SCAI: variants seen among roughly 807,000 people sequenced by gnomAD.
SCAI encodes the protein suppressor of cancer cell invasion, also known as protein SCAI.
A neutral mutation model predicts 92.2 loss-of-function variants in SCAI; 24 were observed. The observed-to-expected ratio is 0.26, with a 90% CI of 0.19 to 0.37. The LOEUF (loss-of-function observed/expected upper bound fraction) is 0.37. Ranked by LOEUF, SCAI falls within the 10% of genes least tolerant of loss-of-function variation. The pLI is 1.00. For missense variants in SCAI, 450 were observed against 736.2 expected (o/e 0.61, Z 4.50); for synonymous variants, 261 against 258.6 (o/e 1.01, Z -0.09).
At chr9:125,059,558 C>T (rs568592293) in intron 2 of SCAI, among the ~76,000 whole-genome samples, 1 of 152,274 alleles carries the variant, frequency 6.6e-6, no homozygotes, top group East Asian at 1.9e-4. Flanking sequence ...ATTAAAACTA[C>T]ACTAATTATA....
intron 2 of SCAI, among the ~76,000 whole-genome samples, chr9:125,128,326 T>A (rs565283684): frequency 6.6e-6 from 1 of 150,916 alleles, no homozygotes; most frequent in Non-Finnish European, 1.5e-5. Context: ...CTAAAATGTA[T>A]ACGGGTAATT....
At chr9:125,031,025 G>C (rs186589177) in intron 3 of SCAI, among the ~76,000 whole-genome samples, 197 of 151,966 alleles carry the variant, frequency 1.3e-3, no homozygotes, top group Admixed American at 4.2e-3. Flanking sequence ...ATTAAAGTCT[G>C]TGAATAGATG....
chr9:124,982,283 A>G (rs1006628082), intron 14 of SCAI, among the ~76,000 whole-genome samples: 40 of 152,236 alleles, frequency 2.6e-4, no homozygotes, highest in African/African-American at 9.4e-4. Flanking sequence ...GATCAAAGCC[A>G]TACAAGTATT....
chr9:125,029,821 CA>C, intron 3 of SCAI, 82 bp from the exon 4 acceptor site: 1 of 766,960 alleles, frequency 1.3e-6, no homozygotes, highest in Non-Finnish European at 2.0e-6. Context: ...ACAAACCAGA[CA>C]GATGAAAAAT....
At chr9:125,107,770 A>C (rs1016594393) in intron 2 of SCAI, among the ~76,000 whole-genome samples, 2 of 152,146 alleles carry the variant, frequency 1.3e-5, no homozygotes, top group Non-Finnish European at 2.9e-5. Context: ...CCCATCTCTA[A>C]AAATAAATTT....
chr9:125,029,845 G>A, intron 3 of SCAI, 106 bp from the exon 4 acceptor site: 2 of 582,612 alleles, frequency 3.4e-6, no homozygotes, highest in Non-Finnish European at 5.6e-6. Flanking sequence ...TTGCATTCAG[G>A]CTTTCTTTTT....
intron 2 of SCAI, among the ~76,000 whole-genome samples, chr9:125,115,264 C>T (rs1835016482): frequency 2.1e-5 from 3 of 145,580 alleles, no homozygotes. Context: ...CCCAGCTACT[C>T]GGGAGGCTGA....
chr9:124,975,854 A>T (rs1831743875), intron 15 of SCAI, among the ~76,000 whole-genome samples: 1 of 152,186 alleles, frequency 6.6e-6, no homozygotes, highest in Admixed American at 6.5e-5. Flanking sequence ...AAATTTACAA[A>T]TCATGAGTTC....
At chr9:125,016,385 C>G (rs369406138) in intron 9 of SCAI, among the ~76,000 whole-genome samples, 9 of 46,702 alleles carry the variant, frequency 1.9e-4, no homozygotes, top group Non-Finnish European at 4.3e-5. Context: ...AAGACTCTGT[C>G]TCAATAAATA....
chr9:125,008,465 T>A (rs1052489783), intron 9 of SCAI, among the ~76,000 whole-genome samples: 2 of 152,130 alleles, frequency 1.3e-5, no homozygotes, highest in Non-Finnish European at 1.5e-5. Flanking sequence ...GAAATGGGGT[T>A]TCATCATGCT....
chr9:125,054,805 C>T (rs1477989621), intron 3 of SCAI, among the ~76,000 whole-genome samples: 1 of 152,128 alleles, frequency 6.6e-6, no homozygotes, highest in Non-Finnish European at 1.5e-5. Flanking sequence ...AACAAATATT[C>T]ACAAAGCCTT....
intron 7 of SCAI, 21 bp downstream of exon 7, chr9:125,020,652 A>C: frequency 9.6e-7 from 1 of 1,047,018 alleles, no homozygotes; most frequent in Non-Finnish European, 1.4e-6. Context: ...TTAGAATTTG[A>C]ACTATTTAAA....
chr9:125,093,245 C>T (rs535369613), intron 2 of SCAI, among the ~76,000 whole-genome samples: 38 of 152,056 alleles, frequency 2.5e-4, no homozygotes, highest in Non-Finnish European at 4.0e-4. Context: ...CCTGTAATCC[C>T]AGCTACTCGG....
chr9:125,015,217 A>C (rs1298814201), intron 9 of SCAI, among the ~76,000 whole-genome samples: 1 of 152,214 alleles, frequency 6.6e-6, no homozygotes, highest in African/African-American at 2.4e-5. Context: ...CTGCACAGCA[A>C]AAGAAACTAC....
Position 125,003,207 on chromosome 9 carries a change from A to G in SCAI, c.972T>C (p.Ala324=). ...QMNKPGMQES[A]DKPTRRENPH... ...GGTTTTCTCGTCTAGTAGGCTTGTC[A>G]GCTGATTCCTATATTTACACACAGA... Residue 324 remains alanine (A), a synonymous_variant, in exon 11 of 18, where the codon GCT becomes GCC. Coordinates refer to ENST00000336505, the MANE Select transcript of SCAI (RefSeq NM_001144877.3). The G allele has an allele frequency of 6.2e-7, 1 of 1,611,720 alleles. No individual in the cohort carries two copies. Among genetic ancestry groups the G allele is most frequent in the Non-Finnish European group, 8.5e-7 (1 of 1,177,858 alleles).
intron 3 of SCAI, among the ~76,000 whole-genome samples, chr9:125,049,273 G>A (rs1307785494): frequency 6.6e-6 from 1 of 152,068 alleles, no homozygotes; most frequent in Non-Finnish European, 1.5e-5. Context: ...GTGACTTGGA[G>A]GCCTCTGCTT....
chr9:125,064,396 C>T (rs572786794), intron 2 of SCAI, among the ~76,000 whole-genome samples: 11 of 152,194 alleles, frequency 7.2e-5, no homozygotes, highest in Non-Finnish European at 1.3e-4. Flanking sequence ...TTAATTAATA[C>T]TAATTCTCAT....
intron 9 of SCAI, among the ~76,000 whole-genome samples, chr9:125,008,406 G>A (rs1397498853): frequency 3.9e-5 from 6 of 152,084 alleles, no homozygotes; most frequent in Non-Finnish European, 2.9e-5. Context: ...CAAAGTAATG[G>A]GATTACAGGC....
At position 125,004,793 on chromosome 9, in the gene SCAI, T is replaced by G. The variant is rs1290585464; in HGVS notation, c.862-1223A>C. Among the ~76,000 whole-genome samples, 90 of 85,714 alleles carry G rather than the reference T, an allele frequency of 1.0e-3. 5 individuals are homozygous for G. Among genetic ancestry groups the G allele is most frequent in the Non-Finnish European group, 1.8e-3 (74 of 42,260 alleles). The allele number at this position is 85,714 out of a possible 152,430, so 56.2% of individuals were successfully genotyped here. A position where few individuals can be genotyped will look rare whatever the true frequency, so the allele number is the denominator to read the frequency against. On this transcript the variant is annotated intron_variant, in intron 9 of 17. Coordinates refer to ENST00000336505, the MANE Select transcript of SCAI (RefSeq NM_001144877.3). ...TATATATATATATTTTTTTTTTTTT[T>G]TTTTTTTTTTTTGAGATGGAGTTTC... is the stretch of plus-strand genomic sequence containing the variant.
Sources: allele counts gnomAD v4.1 joint callset (sites outside exome capture counted in the v4.1 genomes callset), GRCh38; gene constraint gnomAD v4.1.1; transcripts MANE v1.5; gene names NCBI Gene and HGNC (gene_info 2026-07-23, HGNC 2026-07-21).